NCKAP5L: variants seen among roughly 807,000 people sequenced by gnomAD.
NCKAP5L encodes the protein NCK associated protein 5 like.
In NCKAP5L, 54 loss-of-function variants were observed where a neutral mutation model predicts 103.2. The observed-to-expected ratio is 0.52, with a 90% CI of 0.42 to 0.66. NCKAP5L has a LOEUF of 0.66. Among genes scored for constraint, NCKAP5L ranks in the 30% least tolerant of loss-of-function variants. The pLI is 0.00. For missense variants in NCKAP5L, 1,733 were observed against 1,750.6 expected (o/e 0.99, Z 0.18); for synonymous variants, 762 against 748.6 (o/e 1.02, Z -0.29).
At position 49,797,841 on chromosome 12, in the gene NCKAP5L, CA is replaced by C. The variant is rs1183250108; in HGVS notation, c.466-448del. ...CACTATAGGCAAACCCAGGCCTCCT[CA>C]GGGAACACAGCTGACCCCGCTGACC... On this transcript the variant is annotated intron_variant, in intron 7 of 12. Coordinates refer to ENST00000335999, the MANE Select transcript of NCKAP5L (RefSeq NM_001037806.4). The surrounding 1 kb of genome is among the most constrained non-coding windows in gnomAD (Gnocchi z 4.5). Among the ~76,000 whole-genome samples, 2 of 152,274 alleles carry C rather than the reference CA, an allele frequency of 1.3e-5. No individual in the cohort carries two copies. The highest frequency in any genetic ancestry group is 1.3e-4 in the Admixed American group (2 of 15,294).
chr12:49,801,483 C>G (rs1007632342), intron 6 of NCKAP5L, among the ~76,000 whole-genome samples: 2 of 152,148 alleles, frequency 1.3e-5, no homozygotes, highest in African/African-American at 4.8e-5. Context: ...ACACCATACC[C>G]TAGGCTGCCT....
rs374942064 is a variant in NCKAP5L, at chr12:49,795,163, C to T, written c.2697G>A (p.Gln899=). Residue 899 remains glutamine, a synonymous_variant, in exon 8 of 13, where the codon CAG becomes CAA. Coordinates refer to ENST00000335999, the MANE Select transcript of NCKAP5L (RefSeq NM_001037806.4). ...CGGCGCCAGGGGCTCGCTCCTGGCC[C>T]TGGAGCCGCAGCACGTTCTCCTCAA... The part of the protein sequence containing the change: ...KGIEENVLRL[Q]GQERAPGAEV... The T allele has an allele frequency of 1.9e-6, 3 of 1,605,980 alleles. No individual in the cohort carries two copies. Among genetic ancestry groups the T allele is most frequent in the African/African-American group, 2.7e-5 (2 of 74,302 alleles).
At chr12:49,818,139 A>AC (rs1565596196) in intron 1 of NCKAP5L, among the ~76,000 whole-genome samples, 1 of 151,972 alleles carries the variant, frequency 6.6e-6, no homozygotes, top group Non-Finnish European at 1.5e-5. Context: ...CTTGGAAAAA[A>AC]AAAAAAACAA....
chr12:49,821,890 A>G (rs1592763462), intron 1 of NCKAP5L, among the ~76,000 whole-genome samples: 1 of 152,338 alleles, frequency 6.6e-6, no homozygotes, highest in East Asian at 1.9e-4. Flanking sequence ...GTGAACAAAC[A>G]CTGCTCATGA....
intron 1 of NCKAP5L, among the ~76,000 whole-genome samples, chr12:49,826,800 A>G (rs998063859): frequency 1.2e-4 from 18 of 152,156 alleles, no homozygotes; most frequent in African/African-American, 4.1e-4. Flanking sequence ...TTAGGTCTTC[A>G]CCGGCCTATC....
chr12:49,793,280 G>A (rs1221493335), intron 10 of NCKAP5L, 72 bp downstream of exon 10: 15 of 1,465,876 alleles, frequency 1.0e-5, no homozygotes, highest in Non-Finnish European at 1.4e-5. Flanking sequence ...GCGGGGACGG[G>A]AAGAAGTAAA....
At chr12:49,813,395 G>T (rs1244835196) in intron 1 of NCKAP5L, among the ~76,000 whole-genome samples, 1 of 152,162 alleles carries the variant, frequency 6.6e-6, no homozygotes, top group African/African-American at 2.4e-5. Context: ...GATGACTAAT[G>T]ATGTTAAACA....
At chr12:49,822,922 C>T (rs1946376697) in intron 1 of NCKAP5L, among the ~76,000 whole-genome samples, 1 of 152,204 alleles carries the variant, frequency 6.6e-6, no homozygotes, top group South Asian at 2.1e-4. Context: ...TCCAACTACT[C>T]AACAAGTTGA....
rs2290442 is a variant in NCKAP5L, at chr12:49,791,551, A to G, written c.*288T>C. 0.51 allele frequency: 154,499 copies of G among 301,262 alleles called. 43,720 individuals are homozygous for G. Among genetic ancestry groups the G allele is most frequent in the East Asian group, 0.82 (14,619 of 17,818 alleles). The allele number at this position is 301,262 out of a possible 1,614,324, so 18.7% of individuals were successfully genotyped here. On this transcript the variant is annotated 3_prime_UTR_variant, in exon 13 of 13. Coordinates refer to ENST00000335999, the MANE Select transcript of NCKAP5L (RefSeq NM_001037806.4). ...TGGCTCAGCCTGAAGTAGGGACTGG[A>G]GGGCTGCGACACAGTGGCCTTTAAC...
In NCKAP5L at chr12:49,793,231, G is replaced by A. The variant is rs1011564386; in HGVS notation, c.3340+121C>T. The A allele has an allele frequency of 4.7e-6, 5 of 1,054,112 alleles. No individual in the cohort carries two copies. In the African/African-American group the frequency reaches 6.2e-5, roughly 13 times the overall value. 65.3% of individuals were successfully genotyped at this position (1,054,112 alleles called of 1,614,324 possible). A position where few individuals can be genotyped will look rare whatever the true frequency, so the allele number is the denominator to read the frequency against. On this transcript the variant is annotated intron_variant, in intron 10 of 12. Transcript: ENST00000335999. Reference sequence around the variant, plus strand: ...TGTGTAGCTCCAGTGCCCACCTGGTGCTTGGCACCAAGATGGCACACAGAG... The same window carrying A: ...TGTGTAGCTCCAGTGCCCACCTGGTACTTGGCACCAAGATGGCACACAGAG...
Position 49,803,930 on chromosome 12 carries a change from C to A in NCKAP5L, c.115G>T (p.Glu39Ter). Reference sequence around the variant, plus strand: ...CACGCCCCATGCCGCACCTCCAGCTCCCGCAGTCGGTGCAGAAGCTCCTGG... The same window carrying A: ...CACGCCCCATGCCGCACCTCCAGCTACCGCAGTCGGTGCAGAAGCTCCTGG... ...TCQELLHRLR[E>*]LEAENSALAQ... The change falls in exon 3 of 13, where the codon GAG becomes TAG. Residue 39 changes from glutamate to a stop codon, truncating the protein, a stop_gained. Transcript: ENST00000335999. LOFTEE classifies it high-confidence loss of function. 6.2e-7 allele frequency: 1 copy of A among 1,608,088 alleles called. No homozygotes were observed. Among genetic ancestry groups the A allele is most frequent in the Non-Finnish European group, 8.5e-7 (1 of 1,179,878 alleles).
At chr12:49,822,392 C>A (rs1045282578) in intron 1 of NCKAP5L, among the ~76,000 whole-genome samples, 1 of 151,870 alleles carries the variant, frequency 6.6e-6, no homozygotes, top group African/African-American at 2.4e-5. Flanking sequence ...ATAGGTAAGG[C>A]AACAAATACA....
Position 49,795,799 on chromosome 12 carries a change from T to C in NCKAP5L, c.2061A>G (p.Pro687=), listed in dbSNP as rs978726388. ...GGGTCTTTTCGGTGCCAGGCCTGGC[T>C]GGCACCCCATTCTTCTCTGAGCCCA... ...GALGSEKNGV[P]ARPGTEKTRG... is the part of the protein sequence containing the mutation. The change falls in exon 8 of 13, where the codon CCA becomes CCG. Residue 687 remains proline (P), a synonymous_variant. Transcript: ENST00000335999. The C allele has an allele frequency of 1.3e-6, 2 of 1,574,978 alleles. No individual in the cohort carries two copies. Among genetic ancestry groups the C allele is most frequent in the African/African-American group, 2.7e-5 (2 of 73,678 alleles).
intron 3 of NCKAP5L, 31 bp from the exon 4 acceptor site, chr12:49,803,196 A>C (rs1592753135): frequency 1.9e-6 from 3 of 1,612,244 alleles, no homozygotes; most frequent in Non-Finnish European, 2.5e-6. Flanking sequence ...GAGGGCAAAA[A>C]GGTGGCTTTG....
intron 1 of NCKAP5L, among the ~76,000 whole-genome samples, chr12:49,814,672 TA>T (rs1383226144): frequency 6.6e-6 from 1 of 151,844 alleles, no homozygotes; most frequent in African/African-American, 2.4e-5. Context: ...AATACATACT[TA>T]AAAAAAAGAC....
rs374107162 is a variant in NCKAP5L, at chr12:49,804,029, C to T, written c.16G>A (p.Asp6Asn). The T allele has an allele frequency of 2.7e-5, 44 of 1,611,090 alleles. No individual in the cohort carries two copies. Among genetic ancestry groups the T allele is most frequent in the Non-Finnish European group, 3.6e-5 (43 of 1,179,958 alleles). Residue 6 changes from aspartate (D) to asparagine (N), a missense_variant, in exon 3 of 13, where the codon GAC (aspartate) becomes AAC (asparagine). By Grantham distance (23) the Asp-to-Asn change is conservative. Coordinates refer to ENST00000335999, the MANE Select transcript of NCKAP5L (RefSeq NM_001037806.4). The stretch of plus-strand genomic sequence containing the variant: ...TTTCCAGGACCCCCAGCTGGCTGGT[C>T]CATGGCCTCTGACATCTGGCCCTGG... The part of the protein sequence containing the change: MSEAM[D>N]QPAGGPGNPR...
intron 5 of NCKAP5L, chr12:49,802,237 G>C (rs1425800324): frequency 5.8e-6 from 2 of 346,740 alleles, no homozygotes; most frequent in African/African-American, 4.3e-5. Context: ...CCCTAGAATC[G>C]ACCCCCCGCC....
rs766474512 is a variant in NCKAP5L at position 49,796,394 on chromosome 12, C to T, written c.1466G>A (p.Arg489Gln). The T allele has an allele frequency of 3.8e-6, 6 of 1,579,536 alleles. No individual in the cohort carries two copies. The highest frequency in any genetic ancestry group is 5.2e-6 in the Non-Finnish European group (6 of 1,162,864). The change falls in exon 8 of 13, where the codon CGG (arginine) becomes CAG (glutamine). Residue 489 changes from arginine to glutamine, a missense_variant. Physicochemically the swap from Arg to Gln is conservative, Grantham distance 43. Transcript: ENST00000335999. ...GGGGCTGCCGTCTGAGCCACTGTTC[C>T]GACAGGGGATTCGCGAGTTCCGGGG... ...QLPRNSRIPC[R>Q]NSGSDGSPSP...
At chr12:49,800,721 G>A (rs1946109514) in intron 6 of NCKAP5L, among the ~76,000 whole-genome samples, 2 of 152,206 alleles carry the variant, frequency 1.3e-5, no homozygotes, top group African/African-American at 2.4e-5. Flanking sequence ...AAGTTTATCC[G>A]AGGCCAAGCT....
Sources: allele counts gnomAD v4.1 joint callset (sites outside exome capture counted in the v4.1 genomes callset), GRCh38; gene constraint gnomAD v4.1.1; non-coding constraint Gnocchi (gnomAD v3.1); transcripts MANE v1.5; gene names NCBI Gene and HGNC (gene_info 2026-07-23, HGNC 2026-07-21).